TTLL10: variants seen among roughly 807,000 people sequenced by gnomAD.
TTLL10 encodes the protein tubulin tyrosine ligase like 10, also known as inactive polyglycylase TTLL10.
A neutral mutation model predicts 69.0 loss-of-function variants in TTLL10; 61 were observed. That is an observed-to-expected ratio of 0.88 (90% confidence interval 0.72 to 1.09). The LOEUF (loss-of-function observed/expected upper bound fraction) is 1.09, where lower values mean the gene tolerates loss of function less well. Among genes scored for constraint, TTLL10 ranks in the 50% least tolerant of loss-of-function variants. The pLI, the probability that TTLL10 is intolerant of heterozygous loss-of-function variation, is 0.00. For missense variants in TTLL10, 962 were observed against 945.9 expected, an observed-to-expected ratio of 1.02 and a Z score of -0.22; for synonymous variants, 408 against 393.3, an observed-to-expected ratio of 1.04 and a Z score of -0.44.
chr1:1,184,963 C>T lies in TTLL10; in HGVS notation c.1261-6C>T, dbSNP rs112260289. ...GAGCCAGTCTCCAGGCACCGTGTGC[C>T]CCCAGTTCATGCAGAAGAAGAGCCC... On this transcript the variant is annotated splice_region_variant and splice_polypyrimidine_tract_variant and intron_variant, in intron 12 of 15. Transcript: ENST00000379289. The T allele has an allele frequency of 6.6e-4, 1,055 of 1,607,560 alleles. 4 individuals carry two copies. The African/African-American group carries it at 0.013, about 19-fold the overall frequency.
At chr1:1,187,115 G>T (rs1048756535) in intron 13 of TTLL10, among the ~76,000 whole-genome samples, 1 of 151,842 alleles carries the variant, frequency 6.6e-6, no homozygotes, top group Non-Finnish European at 1.5e-5. Context: ...CAAAGTGCTG[G>T]GATTATAGGT....
chr1:1,186,134 G>A (rs1647301040), intron 13 of TTLL10, among the ~76,000 whole-genome samples: 9 of 151,328 alleles, frequency 5.9e-5, no homozygotes. Flanking sequence ...TGTTGCCCAG[G>A]CTGGAGTACA....
At chr1:1,189,150 A>G (rs1394590380) in intron 13 of TTLL10, among the ~76,000 whole-genome samples, 1 of 152,158 alleles carries the variant, frequency 6.6e-6, no homozygotes, top group African/African-American at 2.4e-5. Context: ...CTTTTCTTAC[A>G]TATTGCCGGC....
At position 1,180,463 on chromosome 1, in the gene TTLL10, C is replaced by A. The variant is rs764695282; in HGVS notation, c.507-20C>A. The A allele has an allele frequency of 2.0e-6, 3 of 1,536,526 alleles. No homozygotes were observed. The highest frequency in any genetic ancestry group is 2.6e-6 in the Non-Finnish European group (3 of 1,136,356). On this transcript the variant is annotated intron_variant, in intron 6 of 15. Transcript: ENST00000379289. ...CCCTTGCCTCGGCCCCCAGGTCACC[C>A]CCGCCCCCACCCCTCGCAGCATCAG...
intron 13 of TTLL10, 158 bp from the exon 14 acceptor site, chr1:1,196,442 C>A (rs545340738): frequency 1.4e-5 from 9 of 622,148 alleles, no homozygotes; most frequent in African/African-American, 9.0e-5. Flanking sequence ...TGGCTGTGAA[C>A]CTGTGAGGCT....
chr1:1,195,963 A>G, intron 13 of TTLL10, among the ~76,000 whole-genome samples: 1 of 148,440 alleles, frequency 6.7e-6, no homozygotes, highest in African/African-American at 2.5e-5. Context: ...TCTAGTAGAG[A>G]TGGGGTCTCA....
intron 13 of TTLL10, among the ~76,000 whole-genome samples, chr1:1,191,181 G>A (rs1647749880): frequency 6.6e-6 from 1 of 152,180 alleles, no homozygotes; most frequent in Admixed American, 6.5e-5. Flanking sequence ...TTAAGGGCCT[G>A]TTATTTAATT....
rs1206069125 is a variant in TTLL10 at position 1,181,524 on chromosome 1, T to G, written c.756-217T>G. Among the ~76,000 whole-genome samples, 1 of 152,150 alleles carries G rather than the reference T, an allele frequency of 6.6e-6. No homozygotes were observed. ...TCCATCTGCACCCCCCGCCCCTGGT[T>G]GCCTGTGACACCAGCTTTACACCAT... On this transcript the variant is annotated intron_variant, in intron 8 of 15. Coordinates refer to ENST00000379289, the MANE Select transcript of TTLL10 (RefSeq NM_001130045.2). The surrounding 1 kb of genome is among the most constrained non-coding windows in gnomAD (Gnocchi z 4.6).
intron 6 of TTLL10, 26 bp from the exon 7 acceptor site, chr1:1,180,457 G>GCCCCCCCCCCCCCCCC: frequency 6.6e-7 from 1 of 1,520,754 alleles, no homozygotes; most frequent in Non-Finnish European, 8.9e-7. Flanking sequence ...CGGCCCCCAG[G>GCCCCCCCCCCCCCCCC]TCACCCCCGC....
chr1:1,186,120 A>C (rs1570428606), intron 13 of TTLL10, among the ~76,000 whole-genome samples: 1 of 145,246 alleles, frequency 6.9e-6, no homozygotes, highest in Non-Finnish European at 1.5e-5. Context: ...ACAGAGTCTC[A>C]CTCTGTTGCC....
At position 1,180,455 on chromosome 1, in the gene TTLL10, A is replaced by G. The variant is rs977174250; in HGVS notation, c.507-28A>G. 8.7e-5 allele frequency: 45 copies of G among 514,382 alleles called. No homozygotes were observed. The Admixed American group carries it at 1.2e-3, about 13-fold the overall frequency. 31.9% of individuals were successfully genotyped at this position (514,382 alleles called of 1,614,324 possible). ...TCCCCAACCCCTTGCCTCGGCCCCC[A>G]GGTCACCCCCGCCCCCACCCCTCGC... On this transcript the variant is annotated intron_variant, in intron 6 of 15. Coordinates refer to ENST00000379289, the MANE Select transcript of TTLL10 (RefSeq NM_001130045.2).
chr1:1,179,845 TC>T, intron 5 of TTLL10, 108 bp downstream of exon 5: 2 of 1,448,874 alleles, frequency 1.4e-6, no homozygotes, highest in Non-Finnish European at 1.8e-6. Flanking sequence ...TCACGGCCCC[TC>T]CCCAGATGTA....
In TTLL10 at chr1:1,181,009, A is replaced by AGCCCCTGCCCCTGCCCCTGAACCT; in HGVS notation, c.755+165_755+166insCTGAACCTGCCCCTGCCCCTGCCC. 1 of 592,982 alleles carries AGCCCCTGCCCCTGCCCCTGAACCT rather than the reference A, an allele frequency of 1.7e-6. No homozygotes were observed. The highest frequency in any genetic ancestry group is 2.5e-6 in the Non-Finnish European group (1 of 396,480). 36.7% of individuals were successfully genotyped at this position (592,982 alleles called of 1,614,324 possible). ...CCACCCAGGCTCCCAGGCTGGCTCC[A>AGCCCCTGCCCCTGCCCCTGAACCT]GCCCCTGCCCCTGCCCTTGCCCCTG... is the stretch of plus-strand genomic sequence containing the variant. On this transcript the variant is annotated intron_variant, in intron 8 of 15. Transcript: ENST00000379289. The surrounding 1 kb of genome is among the most constrained non-coding windows in gnomAD (Gnocchi z 4.6).
At position 1,181,107 on chromosome 1, in the gene TTLL10, C is replaced by T. The variant is rs919489405; in HGVS notation, c.755+247C>T. Among the ~76,000 whole-genome samples, 2 of 149,850 alleles carry T rather than the reference C, an allele frequency of 1.3e-5. No individual in the cohort carries two copies. The highest frequency in any genetic ancestry group is 4.0e-4 in the East Asian group (2 of 5,030). ...GCACCTGCCTCCACCTTCCACCTGTCCTTTAAAGGGCCAAACCCCTGTCCC... is the reference window on the plus strand; with the variant it reads ...GCACCTGCCTCCACCTTCCACCTGTTCTTTAAAGGGCCAAACCCCTGTCCC... On this transcript the variant is annotated intron_variant, in intron 8 of 15. Transcript: ENST00000379289. This position sits in a 1 kb window ranked among gnomAD's most constrained non-coding sequence, Gnocchi z 4.6.
chr1:1,190,014 A>G (rs1403152334), intron 13 of TTLL10, among the ~76,000 whole-genome samples: 1 of 151,642 alleles, frequency 6.6e-6, no homozygotes, highest in Non-Finnish European at 1.5e-5. Flanking sequence ...CGGGAGGCTG[A>G]GGCAGGAGAA....
At chr1:1,197,375 T>TCCCCCCCCCCCCCCCC in intron 15 of TTLL10, 63 bp from the exon 16 acceptor site, 3 of 213,420 alleles carry the variant, frequency 1.4e-5, no homozygotes, top group Middle Eastern at 1.2e-3. Context: ...CCTCACACCC[T>TCCCCCCCCCCCCCCCC]CCCCACCCCC....
Position 1,180,188 on chromosome 1 carries a change from C to T in TTLL10, c.354C>T (p.Asn118=). The part of the protein sequence containing the change: ...SATPGPPGLL[N]SHRPADSDDT... The stretch of plus-strand genomic sequence containing the variant: ...CACCCGGACCCCCTGGGCTCCTGAA[C>T]AGCCACCGGCCTGCAGACTCGGATG... Residue 118 remains asparagine (N), a synonymous_variant, in exon 6 of 16, where the codon AAC becomes AAT. Transcript: ENST00000379289. The T allele has an allele frequency of 6.2e-7, 1 of 1,611,296 alleles. No individual in the cohort carries two copies. Among genetic ancestry groups the T allele is most frequent in the Non-Finnish European group, 8.5e-7 (1 of 1,179,392 alleles).
At chr1:1,179,858 G>A (rs1646990609) in intron 5 of TTLL10, 121 bp downstream of exon 5, 12 of 1,446,290 alleles carry the variant, frequency 8.3e-6, no homozygotes, top group Non-Finnish European at 1.1e-5. Context: ...CCAGATGTAA[G>A]CAGTCCCCAG....
Position 1,184,049 on chromosome 1 carries a change from C to G in TTLL10, c.1218C>G (p.Tyr406Ter), listed in dbSNP as rs780432574. The change falls in exon 12 of 16, where the codon TAC becomes TAG. Residue 406 changes from tyrosine to a stop codon, truncating the protein, a stop_gained. Transcript: ENST00000379289. LOFTEE classifies it high-confidence loss of function. Reference protein sequence around the residue: ...HGYARLTLSLYDPHSSDLGGH... With the variant: ...HGYARLTLSL ...ATGCTCGCCTCACCCTTAGCCTTTA[C>G]GACCCCCATTCCAGCGACCTCGGCG... 1 of 1,614,234 alleles carries G rather than the reference C, an allele frequency of 6.2e-7. No homozygotes were observed. The highest frequency in any genetic ancestry group is 8.5e-7 in the Non-Finnish European group (1 of 1,180,022).
Sources: allele counts gnomAD v4.1 joint callset (sites outside exome capture counted in the v4.1 genomes callset), GRCh38; gene constraint gnomAD v4.1.1; non-coding constraint Gnocchi (gnomAD v3.1); transcripts MANE v1.5; gene names NCBI Gene and HGNC (gene_info 2026-07-23, HGNC 2026-07-21).